Variants in HDHD2 observed in about 807,000 individuals in gnomAD.
The protein encoded by HDHD2 is haloacid dehalogenase-like hydrolase domain-containing protein 2.
In HDHD2, 26 loss-of-function variants were observed where a neutral mutation model predicts 24.8. That is an observed-to-expected ratio of 1.05 (90% confidence interval 0.77 to 1.45). HDHD2 has a LOEUF of 1.45. Among genes scored for constraint, HDHD2 ranks in the 40% most tolerant of loss-of-function variants. HDHD2 has a pLI of 0.00. For missense variants in HDHD2, 299 were observed against 313.4 expected (o/e 0.95, Z 0.35); for synonymous variants, 128 against 114.9 (o/e 1.11, Z -0.73).
intron 1 of HDHD2, among the ~76,000 whole-genome samples, chr18:47,138,776 G>C (rs2063791845): frequency 6.6e-6 from 1 of 152,194 alleles, no homozygotes; most frequent in Admixed American, 6.5e-5. Context: ...GCCCAAGGCA[G>C]AACTCTCATC....
intron 4 of HDHD2, among the ~76,000 whole-genome samples, chr18:47,122,416 C>A (rs900664009): frequency 1.3e-5 from 2 of 152,124 alleles, no homozygotes; most frequent in African/African-American, 4.8e-5. Context: ...CTGGCCTCTA[C>A]CCATCATGTG....
In HDHD2 at chr18:47,107,925, T is replaced by G. The variant is rs542830270; in HGVS notation, c.*757A>C. 2 of 152,794 alleles carry G rather than the reference T, an allele frequency of 1.3e-5. No homozygotes were observed. The highest frequency in any genetic ancestry group is 4.1e-4 in the South Asian group (2 of 4,832). The allele number at this position is 152,794 out of a possible 1,614,324, so 9.5% of individuals were successfully genotyped here. On this transcript the variant is annotated 3_prime_UTR_variant, in exon 7 of 7. Coordinates refer to ENST00000300605, the MANE Select transcript of HDHD2 (RefSeq NM_032124.5). Reference sequence around the variant, plus strand: ...GTTCCTGTTAATAACAATGTCTAATTAAAACATCTGTAAAATACTGATAGT... The same window carrying G: ...GTTCCTGTTAATAACAATGTCTAATGAAAACATCTGTAAAATACTGATAGT...
At chr18:47,137,677 C>A (rs530042543) in intron 1 of HDHD2, among the ~76,000 whole-genome samples, 7 of 152,218 alleles carry the variant, frequency 4.6e-5, no homozygotes, top group African/African-American at 1.7e-4. Context: ...ATAAAAATCC[C>A]TGCATATCTT....
At chr18:47,115,407 G>T in intron 4 of HDHD2, 59 bp from the exon 5 acceptor site, 2 of 1,241,490 alleles carry the variant, frequency 1.6e-6, no homozygotes, top group Non-Finnish European at 1.2e-6. Context: ...TTATGACTGG[G>T]AACGAATGTC....
intron 1 of HDHD2, among the ~76,000 whole-genome samples, chr18:47,148,049 C>T (rs1016032730): frequency 6.8e-6 from 1 of 147,728 alleles, no homozygotes; most frequent in African/African-American, 2.5e-5. Context: ...AGTGCAGTGG[C>T]ACTATCTCTC....
intron 4 of HDHD2, among the ~76,000 whole-genome samples, chr18:47,121,883 C>T (rs990589604): frequency 3.9e-5 from 6 of 152,180 alleles, no homozygotes; most frequent in African/African-American, 1.4e-4. Flanking sequence ...TAGATTTCTT[C>T]CACTCATTTG....
At chr18:47,125,060 G>T (rs2063644763) in intron 4 of HDHD2, among the ~76,000 whole-genome samples, 1 of 152,086 alleles carries the variant, frequency 6.6e-6, no homozygotes, top group African/African-American at 2.4e-5. Flanking sequence ...TACTTGGGAG[G>T]CTAAGGCAGG....
At chr18:47,131,646 A>G (rs1255824588) in intron 3 of HDHD2, among the ~76,000 whole-genome samples, 1 of 152,236 alleles carries the variant, frequency 6.6e-6, no homozygotes, top group African/African-American at 2.4e-5. Flanking sequence ...AGTCATACAC[A>G]GCTTGTATTT....
chr18:47,110,185 C>A (rs1599918134), intron 6 of HDHD2: 1 of 985,352 alleles, frequency 1.0e-6, no homozygotes, highest in Non-Finnish European at 1.2e-6. Context: ...CAGACAAACA[C>A]AAAGCCTGAA....
chr18:47,137,935 C>T (rs1191808266), intron 1 of HDHD2, among the ~76,000 whole-genome samples: 2 of 150,752 alleles, frequency 1.3e-5, no homozygotes, highest in South Asian at 2.1e-4. Context: ...GGAAGGCCGA[C>T]GCGGGCGGAT....
At chr18:47,144,565 G>A (rs2063849776) in intron 1 of HDHD2, among the ~76,000 whole-genome samples, 1 of 152,072 alleles carries the variant, frequency 6.6e-6, no homozygotes, top group African/African-American at 2.4e-5. Context: ...TGACTAGCAG[G>A]TGCCTGGCTA....
chr18:47,133,893 C>G, intron 3 of HDHD2, among the ~76,000 whole-genome samples: 1 of 152,164 alleles, frequency 6.6e-6, no homozygotes, highest in Middle Eastern at 3.4e-3. Flanking sequence ...GTCAGATGAG[C>G]AGATTGCAAA....
chr18:47,121,178 G>T (rs1447510729), intron 4 of HDHD2, among the ~76,000 whole-genome samples: 2 of 151,638 alleles, frequency 1.3e-5, no homozygotes, highest in Non-Finnish European at 2.9e-5. Flanking sequence ...TGAACACGAC[G>T]CTGTCTTTCT....
chr18:47,142,290 A>G (rs1376548643), intron 1 of HDHD2, among the ~76,000 whole-genome samples: 2 of 151,464 alleles, frequency 1.3e-5, no homozygotes, highest in African/African-American at 4.9e-5. Flanking sequence ...AAAAAAAAAA[A>G]GTTTGTAGAA....
chr18:47,119,775 T>C (rs1241639252), intron 4 of HDHD2, among the ~76,000 whole-genome samples: 1 of 152,224 alleles, frequency 6.6e-6, no homozygotes. Flanking sequence ...GAGGAAATCA[T>C]TGTCTATGGC....
chr18:47,120,289 T>A (rs1359113391), intron 4 of HDHD2, among the ~76,000 whole-genome samples: 3 of 152,262 alleles, frequency 2.0e-5, no homozygotes, highest in Non-Finnish European at 2.9e-5. Flanking sequence ...TAGCTAGATC[T>A]CTGGATAACA....
chr18:47,108,957 T>C, intron 6 of HDHD2, 172 bp from the exon 7 acceptor site: 1 of 561,276 alleles, frequency 1.8e-6, no homozygotes, highest in Non-Finnish European at 3.1e-6. Context: ...AATGAGGCAA[T>C]TCAAAGAAAT....
At chr18:47,145,987 T>C (rs143399473) in intron 1 of HDHD2, among the ~76,000 whole-genome samples, 147 of 151,990 alleles carry the variant, frequency 9.7e-4, no homozygotes, top group African/African-American at 3.4e-3. Context: ...ATCTCAGCAG[T>C]TTGGGAAGCC....
At chr18:47,118,924 T>C (rs1475095103) in intron 4 of HDHD2, among the ~76,000 whole-genome samples, 1 of 152,214 alleles carries the variant, frequency 6.6e-6, no homozygotes, top group African/African-American at 2.4e-5. Flanking sequence ...ATGAGATATT[T>C]TGGATTCAGC....
Sources: allele counts gnomAD v4.1 joint callset (sites outside exome capture counted in the v4.1 genomes callset), GRCh38; gene constraint gnomAD v4.1.1; transcripts MANE v1.5; gene names NCBI Gene and HGNC (gene_info 2026-07-23, HGNC 2026-07-21).